The following OR11A1 variants were observed in gnomAD, a reference collection of about 807,000 sequenced individuals.
The protein encoded by OR11A1 is olfactory receptor 11A1.
For missense variants in OR11A1, 380 were observed against 378.2 expected (o/e 1.00, Z -0.04); for synonymous variants, 158 against 152.2 (o/e 1.04, Z -0.28).
chr6:29,439,983 C>A (rs1783968887), intron 1 of OR11A1: 2 of 1,562,208 alleles, frequency 1.3e-6, no homozygotes, highest in South Asian at 1.2e-5. Context: ...CTTGCCATTT[C>A]TTTTGTCTTC....
intron 1 of OR11A1, among the ~76,000 whole-genome samples, chr6:29,447,039 C>A (rs1784845082): frequency 1.3e-5 from 2 of 152,194 alleles, no homozygotes. Context: ...AATATTTTAC[C>A]TAATAACTGG....
In OR11A1 at chr6:29,427,696, C is replaced by G. The variant is rs1300953107; in HGVS notation, c.-55G>C. 4.5e-6 allele frequency: 7 copies of G among 1,556,774 alleles called. No individual in the cohort carries two copies. The highest frequency in any genetic ancestry group is 8.7e-7 in the Non-Finnish European group (1 of 1,152,650). ...AATTGGGGGAGAAATTTTAGCATGT[C>G]TCTGCATCTTCTATACCAAGCCTAA... On this transcript the variant is annotated 5_prime_UTR_variant, in exon 5 of 5. Transcript: ENST00000377149.
intron 1 of OR11A1, among the ~76,000 whole-genome samples, chr6:29,447,380 T>C (rs547100736): frequency 2.0e-5 from 3 of 152,260 alleles, no homozygotes; most frequent in Non-Finnish European, 4.4e-5. Context: ...GCTTATCATT[T>C]TGATCTTTAT....
intron 1 of OR11A1, chr6:29,439,922 CAG>C: frequency 3.3e-6 from 3 of 896,566 alleles, no homozygotes; most frequent in Non-Finnish European, 5.3e-6. Flanking sequence ...CGATCAGATG[CAG>C]AGAGAGGTCA....
chr6:29,437,497 G>T (rs545233125), intron 1 of OR11A1, among the ~76,000 whole-genome samples: 1 of 146,378 alleles, frequency 6.8e-6, no homozygotes, highest in Non-Finnish European at 1.5e-5. Context: ...TTTTATAGTT[G>T]TTTTTATTTT....
chr6:29,428,965 A>C lies in OR11A1; in HGVS notation c.-139-5T>G. The C allele has an allele frequency of 1.0e-6, 1 of 956,314 alleles. No individual in the cohort carries two copies. Among genetic ancestry groups the C allele is most frequent in the Non-Finnish European group, 1.2e-6 (1 of 803,742 alleles). The allele number at this position is 956,314 out of a possible 1,614,324, so 59.2% of individuals were successfully genotyped here. A position where few individuals can be genotyped will look rare whatever the true frequency, so the allele number is the denominator to read the frequency against. ...AAAGCAATATGTGTTTATTAACTGA[A>C]GACAATGAGAGAGAATACAGGGAAT... On this transcript the variant is annotated splice_region_variant and splice_polypyrimidine_tract_variant and intron_variant, in intron 3 of 4. Transcript: ENST00000377149.
chr6:29,444,773 T>C (rs1784560366), intron 1 of OR11A1, among the ~76,000 whole-genome samples: 12 of 152,140 alleles, frequency 7.9e-5, no homozygotes, highest in Admixed American at 7.9e-4. Flanking sequence ...ATATTGAGTC[T>C]TCCCCCACTG....
Position 29,427,522 on chromosome 6 carries a change from G to A in OR11A1, c.120C>T (p.Ile40=). 6.2e-7 allele frequency: 1 copy of A among 1,613,014 alleles called. No individual in the cohort carries two copies. Among genetic ancestry groups the A allele is most frequent in the Non-Finnish European group, 8.5e-7 (1 of 1,179,994 alleles). The change falls in exon 5 of 5, where the codon ATC becomes ATT. Residue 40 remains isoleucine (I), a synonymous_variant. Coordinates refer to ENST00000377149, the MANE Select transcript of OR11A1 (RefSeq NM_001394828.1). ...CAATAATCAGCATATTCCCTATGATGATGAAGACATAGACAGCAGTGAATA... is the reference window on the plus strand; with the variant it reads ...CAATAATCAGCATATTCCCTATGATAATGAAGACATAGACAGCAGTGAATA... ...FIVFTAVYVF[I]IIGNMLIIVA...
intron 1 of OR11A1, chr6:29,441,028 T>A: frequency 2.0e-6 from 2 of 988,032 alleles, no homozygotes; most frequent in Non-Finnish European, 3.0e-6. Context: ...GAGTCTCCCT[T>A]AAGGTCTTTC....
intron 1 of OR11A1, chr6:29,440,613 C>T (rs909918031): frequency 8.1e-6 from 13 of 1,613,876 alleles, no homozygotes; most frequent in Non-Finnish European, 1.1e-5. Flanking sequence ...GCAGATTATC[C>T]TGGCAACAGC....
In OR11A1 at chr6:29,427,467, T is replaced by A. The variant is rs748455050; in HGVS notation, c.175A>T (p.Lys59Ter). The change falls in exon 5 of 5, where the codon AAA becomes TAA. Residue 59 changes from lysine (K) to a stop codon, truncating the protein, a stop_gained. Coordinates refer to ENST00000377149, the MANE Select transcript of OR11A1 (RefSeq NM_001394828.1). LOFTEE classifies it low-confidence loss of function (END_TRUNC). Reference sequence around the variant, plus strand: ...TTCGCCAAGAAAATATACATGGGTTTGTGGAGCCTCTGGGAGCTAACCACT... The same window carrying A: ...TTCGCCAAGAAAATATACATGGGTTAGTGGAGCCTCTGGGAGCTAACCACT... The part of the protein sequence containing the change: ...VAVVSSQRLH[K>*]PMYIFLANLS... 1 of 1,612,988 alleles carries A rather than the reference T, an allele frequency of 6.2e-7. No homozygotes were observed. Among genetic ancestry groups the A allele is most frequent in the Non-Finnish European group, 8.5e-7 (1 of 1,180,032 alleles).
chr6:29,442,983 G>A (rs1056373883), intron 1 of OR11A1, among the ~76,000 whole-genome samples: 6 of 152,150 alleles, frequency 3.9e-5, no homozygotes, highest in African/African-American at 1.4e-4. Context: ...TTGGCATTAA[G>A]CCATTGGTTT....
At chr6:29,431,010 A>G (rs1783189602) in intron 2 of OR11A1, among the ~76,000 whole-genome samples, 2 of 152,148 alleles carry the variant, frequency 1.3e-5, no homozygotes, top group Non-Finnish European at 2.9e-5. Context: ...ATCAACAGGA[A>G]TTTCACCATA....
chr6:29,448,332 G>A (rs933559065), intron 1 of OR11A1, among the ~76,000 whole-genome samples: 4 of 152,148 alleles, frequency 2.6e-5, no homozygotes, highest in Non-Finnish European at 4.4e-5. Context: ...CCTTTCTAAG[G>A]AAGTGAAGAT....
intron 2 of OR11A1, among the ~76,000 whole-genome samples, chr6:29,430,750 A>T (rs1372671190): frequency 6.6e-6 from 1 of 152,158 alleles, no homozygotes; most frequent in African/African-American, 2.4e-5. Flanking sequence ...AAAAGCCCAG[A>T]CTCAATCGCT....
At chr6:29,455,862 T>A (rs1339193005) in intron 1 of OR11A1, among the ~76,000 whole-genome samples, 1 of 101,350 alleles carries the variant, frequency 9.9e-6, no homozygotes, top group Non-Finnish European at 1.9e-5. Flanking sequence ...GGAGACAGAA[T>A]GAGACTTGTC....
chr6:29,444,054 C>A (rs1784477526), intron 1 of OR11A1, among the ~76,000 whole-genome samples: 1 of 151,932 alleles, frequency 6.6e-6, no homozygotes, highest in Non-Finnish European at 1.5e-5. Flanking sequence ...CCACCCAAAT[C>A]TCATCTTGTA....
chr6:29,440,111 T>C (rs1429627910), intron 1 of OR11A1: 4 of 1,613,264 alleles, frequency 2.5e-6, no homozygotes, highest in Non-Finnish European at 2.5e-6. Context: ...TCTTTCTCAC[T>C]ATCTACCTGC....
In OR11A1 at chr6:29,449,531, A is replaced by G. The variant is rs149021389; in HGVS notation, c.-389+7456T>C. Among the ~76,000 whole-genome samples, 598 of 152,358 alleles carry G rather than the reference A, an allele frequency of 3.9e-3. 9 individuals are homozygous for G. Among genetic ancestry groups the G allele is most frequent in the Admixed American group, 0.028 (432 of 15,298 alleles). On this transcript the variant is annotated intron_variant, in intron 1 of 4. Coordinates refer to ENST00000377149, the MANE Select transcript of OR11A1 (RefSeq NM_001394828.1). ...TTACTCAAGCTACGTCTCACAAAAAAGTATCTTTCTTTCCCAGTTATGATT... is the reference window on the plus strand; with the variant it reads ...TTACTCAAGCTACGTCTCACAAAAAGGTATCTTTCTTTCCCAGTTATGATT...
Sources: allele counts gnomAD v4.1 joint callset (sites outside exome capture counted in the v4.1 genomes callset), GRCh38; gene constraint gnomAD v4.1.1; transcripts MANE v1.5; gene names NCBI Gene and HGNC (gene_info 2026-07-23, HGNC 2026-07-21).